The following KCNU1 variants were observed in gnomAD, a reference collection of about 807,000 sequenced individuals.
KCNU1 encodes the protein potassium channel subfamily U member 1.
Under a neutral mutation model 126.8 loss-of-function variants are expected in KCNU1, and 93 were observed. The ratio of observed to expected loss-of-function variants is 0.73; its 90% CI spans 0.62 to 0.87. KCNU1 has a LOEUF of 0.87. Ranked by LOEUF, KCNU1 falls within the 40% of genes least tolerant of loss-of-function variation. The probability of loss-of-function intolerance (pLI) is 0.00; values close to 1 mark genes in which losing one functional copy is unlikely to be tolerated. For missense variants in KCNU1, 1,330 were observed against 1,367.1 expected (o/e 0.97, Z 0.43); for synonymous variants, 523 against 494.2 (o/e 1.06, Z -0.77).
At chr8:36,836,670 G>T in intron 13 of KCNU1, 123 bp from the exon 14 acceptor site, 1 of 862,378 alleles carries the variant, frequency 1.2e-6, no homozygotes, top group Non-Finnish European at 1.8e-6. Context: ...CACCACTTTT[G>T]TGTGCAAAAA....
chr8:36,914,372 G>T (rs1226213351), intron 22 of KCNU1, among the ~76,000 whole-genome samples: 2 of 152,212 alleles, frequency 1.3e-5, no homozygotes, highest in African/African-American at 4.8e-5. Flanking sequence ...AGAAGTCAAA[G>T]ATGCTGCTAA....
In KCNU1 at chr8:36,814,314, A is replaced by T; in HGVS notation, c.840A>T (p.Gly280=). The change falls in exon 8 of 27, where the codon GGA becomes GGT. Residue 280 remains glycine (G), a synonymous_variant. Coordinates refer to ENST00000399881, the MANE Select transcript of KCNU1 (RefSeq NM_001031836.3). ...VMATTSTVGF[G]DVVAKTSLGR... is the part of the protein sequence containing the mutation. ...CAACAACGTCAACCGTTGGATTTGG[A>T]GATGTGGTAGCCAAGACATCCTTAG... 1 of 1,612,986 alleles carries T rather than the reference A, an allele frequency of 6.2e-7. No homozygotes were observed. Among genetic ancestry groups the T allele is most frequent in the South Asian group, 1.1e-5 (1 of 90,990 alleles).
chr8:36,800,913 C>T (rs1235377614), intron 2 of KCNU1, among the ~76,000 whole-genome samples: 1 of 152,104 alleles, frequency 6.6e-6, no homozygotes, highest in East Asian at 1.9e-4. Flanking sequence ...CAATGTGCTT[C>T]AACAAAACAG....
intron 15 of KCNU1, 137 bp downstream of exon 15, chr8:36,840,712 T>G: frequency 1.4e-6 from 1 of 693,596 alleles, no homozygotes. Flanking sequence ...CCCTGAAACT[T>G]AGAAGTTTAC....
At chr8:36,860,902 C>T (rs1805705157) in intron 18 of KCNU1, among the ~76,000 whole-genome samples, 2 of 150,954 alleles carry the variant, frequency 1.3e-5, no homozygotes, top group South Asian at 4.2e-4. Flanking sequence ...TAGGTTTGGC[C>T]CTGGGTCACT....
intron 23 of KCNU1, 116 bp from the exon 24 acceptor site, chr8:36,922,374 C>T: frequency 8.8e-7 from 1 of 1,134,896 alleles, no homozygotes; most frequent in South Asian, 1.6e-5. Context: ...CACAGAGACC[C>T]CAAAGTAGAC....
At chr8:36,909,230 GGGA>G (rs1807761870) in intron 20 of KCNU1, 78 bp from the exon 21 acceptor site, 4 of 832,590 alleles carry the variant, frequency 4.8e-6, no homozygotes, top group South Asian at 4.4e-5. Flanking sequence ...TAGAAGAATT[GGGA>G]GGAGAAGAGG....
intron 11 of KCNU1, among the ~76,000 whole-genome samples, chr8:36,834,167 T>C (rs1160551784): frequency 8.5e-5 from 13 of 152,090 alleles, no homozygotes; most frequent in Admixed American, 8.5e-4. Context: ...AGGTTTGGCT[T>C]AAGATCAAAG....
At chr8:36,922,113 A>G (rs780535490) in intron 23 of KCNU1, among the ~76,000 whole-genome samples, 2 of 152,006 alleles carry the variant, frequency 1.3e-5, no homozygotes, top group Admixed American at 1.3e-4. Flanking sequence ...TGGGGTGACC[A>G]TGTGTTCCTA....
intron 7 of KCNU1, among the ~76,000 whole-genome samples, chr8:36,809,744 G>A (rs192957241): frequency 5.2e-4 from 79 of 152,220 alleles, no homozygotes; most frequent in African/African-American, 1.8e-3. Context: ...TAGAAACCTC[G>A]TGGCCACCAC....
chr8:36,795,881 T>A (rs548359817), intron 2 of KCNU1: 20 of 152,356 alleles, frequency 1.3e-4, no homozygotes, highest in African/African-American at 4.8e-4. Context: ...ATCATCTCCC[T>A]CAACTTAGCC....
intron 24 of KCNU1, chr8:36,928,865 T>A (rs895529969): frequency 4.7e-5 from 28 of 590,908 alleles, no homozygotes; most frequent in Non-Finnish European, 6.9e-5. Context: ...GAGTGCCCTT[T>A]AAATTCTGAT....
At position 36,864,447 on chromosome 8, in the gene KCNU1, C is replaced by T. The variant is rs752687362; in HGVS notation, c.1935C>T (p.Ser645=). Residue 645 remains serine (S), a synonymous_variant, in exon 19 of 27, where the codon TCC becomes TCT. Coordinates refer to ENST00000399881, the MANE Select transcript of KCNU1 (RefSeq NM_001031836.3). The part of the protein sequence containing the change: ...KRMKKCLKGI[S]SRISGQDSPP... ...TGAAAAAATGTCTGAAGGGAATCTC[C>T]TCTCGTATATCAGGGCAGGATTCTC... 1 of 1,612,878 alleles carries T rather than the reference C, an allele frequency of 6.2e-7. No individual in the cohort carries two copies. The highest frequency in any genetic ancestry group is 8.5e-7 in the Non-Finnish European group (1 of 1,179,018).
At chr8:36,815,033 G>A (rs1803856878) in intron 8 of KCNU1, among the ~76,000 whole-genome samples, 1 of 152,030 alleles carries the variant, frequency 6.6e-6, no homozygotes, top group Non-Finnish European at 1.5e-5. Context: ...CGGGAAGTTA[G>A]AAGCGATAAA....
In KCNU1 at chr8:36,836,327, A is replaced by G. The variant is rs759987079; in HGVS notation, c.1327A>G (p.Thr443Ala). ...CTCTATCAAGAACTATGATTCTACC[A>G]CCAGAATCATCATACAGATACTGCA... Reference protein sequence around the residue: ...VLSIKNYDSTTRIIIQILQSH... With the variant: ...VLSIKNYDSTARIIIQILQSH... Residue 443 changes from threonine (T) to alanine (A), a missense_variant, in exon 13 of 27, where the codon ACC becomes GCC. Physicochemically the swap from Thr to Ala is moderately conservative, Grantham distance 58. Coordinates refer to ENST00000399881, the MANE Select transcript of KCNU1 (RefSeq NM_001031836.3). 5 of 1,607,458 alleles carry G rather than the reference A, an allele frequency of 3.1e-6. No homozygotes were observed. Among genetic ancestry groups the G allele is most frequent in the African/African-American group, 2.7e-5 (2 of 74,794 alleles).
At chr8:36,791,626 C>G (rs1047544000) in intron 2 of KCNU1, among the ~76,000 whole-genome samples, 2 of 152,020 alleles carry the variant, frequency 1.3e-5, no homozygotes, top group African/African-American at 4.8e-5. Flanking sequence ...TACAGAAGAA[C>G]TAAGTGCACA....
rs72634108 is a variant in KCNU1, at chr8:36,821,103, T to G, written c.1106+3343T>G. On this transcript the variant is annotated intron_variant, in intron 10 of 26. Transcript: ENST00000399881. ...GTTGAAAATGAAAAAAAGAAATGCT[T>G]CTGAGCCCAATTTAGCACACACAAG... Among the ~76,000 whole-genome samples, 691 of 152,210 alleles carry G rather than the reference T, an allele frequency of 4.5e-3. 4 individuals are homozygous for G. The highest frequency in any genetic ancestry group is 0.014 in the Middle Eastern group (4 of 294).
intron 19 of KCNU1, among the ~76,000 whole-genome samples, chr8:36,888,058 C>T (rs530904106): frequency 1.3e-5 from 2 of 151,956 alleles, no homozygotes; most frequent in African/African-American, 2.4e-5. Context: ...GGAGTCTGTT[C>T]AGTTGGTCGG....
At chr8:36,933,818 C>G (rs1298407058) in intron 26 of KCNU1, among the ~76,000 whole-genome samples, 4 of 152,112 alleles carry the variant, frequency 2.6e-5, no homozygotes, top group Non-Finnish European at 4.4e-5. Flanking sequence ...CAAGGCAGAT[C>G]TAGCTCTAGG....
Sources: allele counts gnomAD v4.1 joint callset (sites outside exome capture counted in the v4.1 genomes callset), GRCh38; gene constraint gnomAD v4.1.1; transcripts MANE v1.5; gene names NCBI Gene and HGNC (gene_info 2026-07-23, HGNC 2026-07-21).